CDKAL1: variants seen among roughly 807,000 people sequenced by gnomAD.
CDKAL1 encodes the protein CDKAL1 threonylcarbamoyladenosine tRNA methylthiotransferase, also known as threonylcarbamoyladenosine tRNA methylthiotransferase.
A neutral mutation model predicts 68.2 loss-of-function variants in CDKAL1; 32 were observed. The ratio of observed to expected loss-of-function variants is 0.47; its 90% CI spans 0.35 to 0.63. The LOEUF (loss-of-function observed/expected upper bound fraction) is 0.63. Among genes scored for constraint, CDKAL1 ranks in the 30% least tolerant of loss-of-function variants. The probability of loss-of-function intolerance (pLI) is 0.00; values close to 1 mark genes in which losing one functional copy is unlikely to be tolerated. For synonymous variants in CDKAL1, 234 were observed against 244.3 expected, an observed-to-expected ratio of 0.96 and a Z score of 0.39; for missense variants, 606 against 696.7, an observed-to-expected ratio of 0.87 and a Z score of 1.47.
At chr6:20,790,447 T>C (rs1775851438) in intron 8 of CDKAL1, among the ~76,000 whole-genome samples, 1 of 152,008 alleles carries the variant, frequency 6.6e-6, no homozygotes, top group Non-Finnish European at 1.5e-5. Flanking sequence ...TGGTGGTGTT[T>C]TGAATAAGGG....
At chr6:20,915,101 AAAAG>A (rs1762661003) in intron 9 of CDKAL1, among the ~76,000 whole-genome samples, 1 of 152,096 alleles carries the variant, frequency 6.6e-6, no homozygotes. Context: ...GTACATATCT[AAAAG>A]AAATATATAA....
intron 13 of CDKAL1, among the ~76,000 whole-genome samples, chr6:21,156,200 C>T (rs1776630688): frequency 6.6e-6 from 1 of 151,960 alleles, no homozygotes; most frequent in African/African-American, 2.4e-5. Flanking sequence ...GCAGGTGGAT[C>T]ACTTGAGCTC....
At chr6:21,139,377 T>C (rs1473347363) in intron 13 of CDKAL1, among the ~76,000 whole-genome samples, 1 of 152,220 alleles carries the variant, frequency 6.6e-6, no homozygotes, top group Non-Finnish European at 1.5e-5. Flanking sequence ...ACAGAGGATG[T>C]TACTTACAGC....
chr6:20,742,729 G>A (rs1773510347), intron 6 of CDKAL1, among the ~76,000 whole-genome samples: 1 of 151,692 alleles, frequency 6.6e-6, no homozygotes, highest in African/African-American at 2.4e-5. Flanking sequence ...TTCTGAAAGT[G>A]GGGTCACACT....
intron 10 of CDKAL1, among the ~76,000 whole-genome samples, chr6:20,958,178 A>G (rs1270469027): frequency 1.3e-5 from 2 of 152,180 alleles, no homozygotes; most frequent in African/African-American, 4.8e-5. Flanking sequence ...CCAGGCTGTG[A>G]TACCACACCC....
chr6:21,123,500 G>C (rs1774832122), intron 13 of CDKAL1, among the ~76,000 whole-genome samples: 1 of 152,126 alleles, frequency 6.6e-6, no homozygotes, highest in African/African-American at 2.4e-5. Context: ...GAAGGTCTTT[G>C]AGTGTACTAC....
At chr6:20,650,058 A>G (rs1264991247) in intron 5 of CDKAL1, among the ~76,000 whole-genome samples, 1 of 152,186 alleles carries the variant, frequency 6.6e-6, no homozygotes, top group Non-Finnish European at 1.5e-5. Flanking sequence ...AGAATGATTT[A>G]TGTTCCTTCG....
chr6:20,966,349 T>G (rs886578120), intron 10 of CDKAL1, among the ~76,000 whole-genome samples: 1 of 152,234 alleles, frequency 6.6e-6, no homozygotes, highest in Non-Finnish European at 1.5e-5. Context: ...TAAATAATGA[T>G]TATGTCCTAA....
At chr6:21,148,326 C>T (rs2151045079) in intron 13 of CDKAL1, among the ~76,000 whole-genome samples, 1 of 152,238 alleles carries the variant, frequency 6.6e-6, no homozygotes. Context: ...TGGGGTTGTC[C>T]TTTTCTGCCC....
At chr6:20,950,370 C>G (rs1322722523) in intron 9 of CDKAL1, among the ~76,000 whole-genome samples, 1 of 151,920 alleles carries the variant, frequency 6.6e-6, no homozygotes, top group Admixed American at 6.5e-5. Context: ...GTGATCCGCC[C>G]GCCTTGGCCT....
chr6:20,982,562 A>G (rs1000949089), intron 10 of CDKAL1, among the ~76,000 whole-genome samples: 3 of 152,048 alleles, frequency 2.0e-5, no homozygotes, highest in Non-Finnish European at 4.4e-5. Flanking sequence ...AAAAAAATCA[A>G]CTATAAAAAT....
chr6:21,202,250 T>C (rs1335312420), intron 15 of CDKAL1, among the ~76,000 whole-genome samples: 11 of 152,210 alleles, frequency 7.2e-5, no homozygotes, highest in Admixed American at 6.5e-4. Flanking sequence ...CAAGTGCCCA[T>C]GAAGGATCTG....
intron 9 of CDKAL1, among the ~76,000 whole-genome samples, chr6:20,851,519 A>G (rs1344287559): frequency 6.6e-6 from 1 of 152,094 alleles, no homozygotes; most frequent in Non-Finnish European, 1.5e-5. Context: ...AGCTGTTTTT[A>G]TAGCTATCGT....
chr6:21,006,686 T>C (rs1012474738), intron 11 of CDKAL1, among the ~76,000 whole-genome samples: 4 of 152,220 alleles, frequency 2.6e-5, no homozygotes, highest in Admixed American at 1.3e-4. Context: ...TTTAGAAGAT[T>C]ATATGCTAAA....
intron 9 of CDKAL1, among the ~76,000 whole-genome samples, chr6:20,877,453 A>C (rs1309427956): frequency 6.6e-6 from 1 of 152,204 alleles, no homozygotes; most frequent in Admixed American, 6.5e-5. Flanking sequence ...AGGTGTCCTC[A>C]CAGGCTGACT....
chr6:20,878,621 A>ATC (rs1340325603), intron 9 of CDKAL1, among the ~76,000 whole-genome samples: 1 of 151,722 alleles, frequency 6.6e-6, no homozygotes, highest in Non-Finnish European at 1.5e-5. Context: ...CATGCCTGTA[A>ATC]TCCCAGCTAT....
chr6:21,154,941 C>G (rs1362395954), intron 13 of CDKAL1, among the ~76,000 whole-genome samples: 1 of 151,790 alleles, frequency 6.6e-6, no homozygotes. Flanking sequence ...TTCAGTGAGC[C>G]GATTGTGCCA....
At chr6:20,640,678 T>C (rs754310628) in intron 4 of CDKAL1, among the ~76,000 whole-genome samples, 8 of 152,204 alleles carry the variant, frequency 5.3e-5, no homozygotes, top group Non-Finnish European at 1.0e-4. Flanking sequence ...TTTTTAGATA[T>C]TGTCTACATT....
chr6:20,704,831 G>A (rs1443034351), intron 5 of CDKAL1, among the ~76,000 whole-genome samples: 1 of 152,174 alleles, frequency 6.6e-6, no homozygotes, highest in African/African-American at 2.4e-5. Flanking sequence ...AGTGCCCCGA[G>A]GCCTGTGTAA....
Sources: allele counts gnomAD v4.1 joint callset (sites outside exome capture counted in the v4.1 genomes callset), GRCh38; gene constraint gnomAD v4.1.1; transcripts MANE v1.5; gene names NCBI Gene and HGNC (gene_info 2026-07-23, HGNC 2026-07-21).